Variants in SIX5 observed in about 807,000 individuals in gnomAD.
SIX5 encodes the protein homeobox protein SIX5.
SIX5 carries 21 observed loss-of-function variants against 37.1 expected under a neutral mutation model. That is an observed-to-expected ratio of 0.57 (90% CI 0.40 to 0.81). The LOEUF is 0.81. Ranked by LOEUF, SIX5 falls within the 40% of genes least tolerant of loss-of-function variation. The probability of loss-of-function intolerance (pLI) is 0.00; values close to 1 mark genes in which losing one functional copy is unlikely to be tolerated. For synonymous variants in SIX5, 626 were observed against 505.9 expected (o/e 1.24, Z -3.19); for missense variants, 1,137 against 1,025.1 (o/e 1.11, Z -1.49).
rs1278502020 is a variant in SIX5, at chr19:45,766,532, G to C, written c.1427C>G (p.Pro476Arg). 6.7e-7 allele frequency: 1 copy of C among 1,494,910 alleles called. No individual in the cohort carries two copies. The highest frequency in any genetic ancestry group is 1.4e-5 in the African/African-American group (1 of 71,828). 92.6% of individuals were successfully genotyped at this position (1,494,910 alleles called of 1,614,324 possible). ...LSPTSPLLNL[P>R]QVVPTSQVVT... Reference sequence around the variant, plus strand: ...CACCTGTGAGGTGGGTACTACCTGGGGCAGGTTCAATAGTGGGGAGGTGGG... The same window carrying C: ...CACCTGTGAGGTGGGTACTACCTGGCGCAGGTTCAATAGTGGGGAGGTGGG... Residue 476 changes from proline (P) to arginine (R), a missense_variant, in exon 2 of 3, where the codon CCC becomes CGC. By Grantham distance (103) the Pro-to-Arg change is moderately radical. Transcript: ENST00000317578.
In SIX5 at chr19:45,766,593, G is replaced by C; in HGVS notation, c.1366C>G (p.Leu456Val). ...GTGGGATACCCCGGGGGTGGGGAGAGCGGTACCACTTGTGGGGCAGCCACA... is the reference window on the plus strand; with the variant it reads ...GTGGGATACCCCGGGGGTGGGGAGACCGGTACCACTTGTGGGGCAGCCACA... ...PAVAAPQVVP[L>V]SPPPGYPTGL... Residue 456 changes from leucine (L) to valine (V), a missense_variant, in exon 2 of 3, where the codon CTC becomes GTC. Leu to Val is a conservative substitution (Grantham distance 32). Transcript: ENST00000317578. The C allele has an allele frequency of 2.0e-6, 3 of 1,470,120 alleles. No homozygotes were observed. Among genetic ancestry groups the C allele is most frequent in the Non-Finnish European group, 2.7e-6 (3 of 1,106,576 alleles). The allele number at this position is 1,470,120 out of a possible 1,614,324, so 91.1% of individuals were successfully genotyped here.
At chr19:45,767,256 T>A in intron 1 of SIX5, 101 bp from the exon 2 acceptor site, 1 of 1,275,872 alleles carries the variant, frequency 7.8e-7, no homozygotes, top group Admixed American at 2.0e-5. Flanking sequence ...CAAGTTTCGG[T>A]GGATCATTCC....
Position 45,766,048 on chromosome 19 carries a change from T to C in SIX5, c.1673A>G (p.Gln558Arg). The change falls in exon 3 of 3, where the codon CAG (glutamine) becomes CGG (arginine). Residue 558 changes from glutamine to arginine, a missense_variant. Physicochemically the swap from Gln to Arg is conservative, Grantham distance 43. Coordinates refer to ENST00000317578, the MANE Select transcript of SIX5 (RefSeq NM_175875.5). ...GGTGGCGGTGAGGATGATCTTGCCC[T>C]GCTGCAGGGCCACACCCGTCACGAT... ...SPIVTGVALQ[Q>R]GKIILTATFP... 1 of 1,611,800 alleles carries C rather than the reference T, an allele frequency of 6.2e-7. No individual in the cohort carries two copies. Among genetic ancestry groups the C allele is most frequent in the Non-Finnish European group, 8.5e-7 (1 of 1,179,214 alleles).
chr19:45,768,648 G>A lies in SIX5; in HGVS notation c.197C>T (p.Ser66Phe), dbSNP rs954548401. Reference protein sequence around the residue: ...AAAAGAEGPGSPGVPGSPPEA... With the variant: ...AAAAGAEGPGFPGVPGSPPEA... ...GGGGGGCGACCCGGGGACGCCCGGG[G>A]ATCCCGGGCCCTCAGCTCCCGCAGC... Residue 66 changes from serine (S) to phenylalanine (F), a missense_variant, in exon 1 of 3, where the codon TCC (serine) becomes TTC (phenylalanine). Physicochemically the swap from Ser to Phe is radical, Grantham distance 155. Around this residue, in one of 3 missense-constraint regions of SIX5, gnomAD observed 331 missense variants for 360.9 expected, o/e 0.92. Coordinates refer to ENST00000317578, the MANE Select transcript of SIX5 (RefSeq NM_175875.5). The A allele has an allele frequency of 1.2e-5, 15 of 1,274,426 alleles. No homozygotes were observed. Among genetic ancestry groups the A allele is most frequent in the African/African-American group, 4.7e-5 (3 of 64,156 alleles). 78.9% of individuals were successfully genotyped at this position (1,274,426 alleles called of 1,614,324 possible).
At chr19:45,767,828 G>A (rs1243278517) in intron 1 of SIX5, 1 of 586,886 alleles carries the variant, frequency 1.7e-6, no homozygotes, top group South Asian at 2.1e-5. Context: ...GGAGCCGCTG[G>A]AAGAGGAGAC....
In SIX5 at chr19:45,765,307, A is replaced by AG. The variant is rs1002188276; in HGVS notation, c.*193dup. On this transcript the variant is annotated 3_prime_UTR_variant, in exon 3 of 3. Transcript: ENST00000317578. ...TGTAACAGAGAGGCCTCCCATCCAA[A>AG]GGGGGATGGAGACCTGGACAGGAGG... The AG allele has an allele frequency of 1.3e-6, 1 of 755,070 alleles. No homozygotes were observed. Among genetic ancestry groups the AG allele is most frequent in the African/African-American group, 1.7e-5 (1 of 58,472 alleles). 46.8% of individuals were successfully genotyped at this position (755,070 alleles called of 1,614,324 possible).
Position 45,768,577 on chromosome 19 carries a change from G to T in SIX5, c.268C>A (p.Gln90Lys). The T allele has an allele frequency of 7.3e-7, 1 of 1,366,854 alleles. No individual in the cohort carries two copies. The highest frequency in any genetic ancestry group is 9.4e-7 in the Non-Finnish European group (1 of 1,069,044). 84.7% of individuals were successfully genotyped at this position (1,366,854 alleles called of 1,614,324 possible). A position where few individuals can be genotyped will look rare whatever the true frequency, so the allele number is the denominator to read the frequency against. ...AGCGCCTCGCAGACGCACGCCACCT[G>T]CTCGGGCGAGAAGCGGAGGCCCGTG... ...PPTGLRFSPE[Q>K]VACVCEALLQ... Residue 90 changes from glutamine (Q) to lysine (K), a missense_variant, in exon 1 of 3, where the codon CAG (glutamine) becomes AAG (lysine). By Grantham distance (53) the Gln-to-Lys change is moderately conservative. Transcript: ENST00000317578.
In SIX5 at chr19:45,765,517, T is replaced by C; in HGVS notation, c.2204A>G (p.Glu735Gly). ...LTQLQSVPVEEPLEL is the reference protein window; with the variant it reads ...LTQLQSVPVEGPLEL ...CACACTGGGTCACAGTTCCAAGGGCTCCTCCACAGGCACCGACTGGAGCTG... is the reference window on the plus strand; with the variant it reads ...CACACTGGGTCACAGTTCCAAGGGCCCCTCCACAGGCACCGACTGGAGCTG... Residue 735 changes from glutamate (E) to glycine (G), a missense_variant, in exon 3 of 3, where the codon GAG (glutamate) becomes GGG (glycine). By Grantham distance (98) the Glu-to-Gly change is moderately conservative. Around this residue, in one of 3 missense-constraint regions of SIX5, gnomAD observed 787 missense variants for 621.4 expected, o/e 1.27. Transcript: ENST00000317578. 6.2e-7 allele frequency: 1 copy of C among 1,613,384 alleles called. No homozygotes were observed. The highest frequency in any genetic ancestry group is 8.5e-7 in the Non-Finnish European group (1 of 1,180,018).
At position 45,766,376 on chromosome 19, in the gene SIX5, AG is replaced by A; in HGVS notation, c.1582del (p.Leu528CysfsTer24). On this transcript the variant is annotated frameshift_variant, in exon 2 of 3. Transcript: ENST00000317578. LOFTEE classifies it high-confidence loss of function. ...TGGGGCAGTGGCCGAAGGCAGCTGC[AG>A]GGCAGTCACGCCCACCCCGGAGTTG... is the stretch of plus-strand genomic sequence containing the variant. The part of the protein sequence containing the change: ...LINSGVGVTA[L>X]QLPSATAPGN... 1 of 1,590,820 alleles carries A rather than the reference AG, an allele frequency of 6.3e-7. No individual in the cohort carries two copies. Among genetic ancestry groups the A allele is most frequent in the Non-Finnish European group, 8.5e-7 (1 of 1,170,000 alleles).
At chr19:45,767,619 G>A (rs996399884) in intron 1 of SIX5, among the ~76,000 whole-genome samples, 3 of 152,212 alleles carry the variant, frequency 2.0e-5, no homozygotes, top group Admixed American at 6.5e-5. Context: ...AAAGGCAGAA[G>A]ACGGACCACG....
rs765253633 is a variant in SIX5, at chr19:45,768,388, G to A, written c.457C>T (p.Pro153Ser). 1 of 1,577,826 alleles carries A rather than the reference G, an allele frequency of 6.3e-7. No individual in the cohort carries two copies. The highest frequency in any genetic ancestry group is 1.8e-5 in the Admixed American group (1 of 56,442). Residue 153 changes from proline (P) to serine (S), a missense_variant, in exon 1 of 3, where the codon CCC becomes TCC. Physicochemically the swap from Pro to Ser is moderately conservative, Grantham distance 74 (BLOSUM62 -1). Coordinates refer to ENST00000317578, the MANE Select transcript of SIX5 (RefSeq NM_175875.5). ...LYRLLESRPF[P>S]AAHHAFLQDL... is the part of the protein sequence containing the mutation. ...TGCAGGAAGGCGTGGTGGGCGGCGG[G>A]GAAGGGGCGGCTCTCGAGTAGCCGG...
In SIX5 at chr19:45,768,598, C is replaced by G; in HGVS notation, c.247G>C (p.Gly83Arg). The change falls in exon 1 of 3, where the codon GGC becomes CGC. Residue 83 changes from glycine (G) to arginine (R), a missense_variant. Transcript: ENST00000317578. Reference sequence around the variant, plus strand: ...ACCTGCTCGGGCGAGAAGCGGAGGCCCGTGGGCGGTTCGGAAGCGGCCTCG... The same window carrying G: ...ACCTGCTCGGGCGAGAAGCGGAGGCGCGTGGGCGGTTCGGAAGCGGCCTCG... ...PPEAASEPPT[G>R]LRFSPEQVAC... The G allele has an allele frequency of 7.5e-7, 1 of 1,325,786 alleles. No individual in the cohort carries two copies. The allele number at this position is 1,325,786 out of a possible 1,614,324, so 82.1% of individuals were successfully genotyped here.
In SIX5 at chr19:45,768,024, C is replaced by T. The variant is rs1767864665; in HGVS notation, c.803+18G>A. ...TGTCCCCGGGAGAGCTGGACTTGCG[C>T]CGCCCGAGGCCCCTCACCTCTTGCA... On this transcript the variant is annotated intron_variant, in intron 1 of 2. Coordinates refer to ENST00000317578, the MANE Select transcript of SIX5 (RefSeq NM_175875.5). 2 of 1,591,160 alleles carry T rather than the reference C, an allele frequency of 1.3e-6. No homozygotes were observed. Among genetic ancestry groups the T allele is most frequent in the African/African-American group, 1.3e-5 (1 of 74,862 alleles).
rs376176843 is a variant in SIX5 at position 45,765,742 on chromosome 19, G to A, written c.1979C>T (p.Ala660Val). The change falls in exon 3 of 3, where the codon GCG (alanine) becomes GTG (valine). Residue 660 changes from alanine to valine, a missense_variant. Ala to Val is a moderately conservative substitution (Grantham distance 64). This residue lies in a region of SIX5 where 787 missense variants were observed against 621.4 expected (regional missense o/e 1.27). Coordinates refer to ENST00000317578, the MANE Select transcript of SIX5 (RefSeq NM_175875.5). ...PPPEGLMLSP[A>V]AVPVWSAGLE... The stretch of plus-strand genomic sequence containing the variant: ...CCCTGCTGACCAGACAGGCACGGCC[G>A]CGGGTGACAACATCAGCCCCTCTGG... The A allele has an allele frequency of 8.7e-5, 140 of 1,611,674 alleles. 1 individual carries two copies. In the Middle Eastern group the frequency reaches 1.2e-3, roughly 13 times the overall value.
At position 45,765,659 on chromosome 19, in the gene SIX5, G is replaced by C. The variant is rs757249091; in HGVS notation, c.2062C>G (p.Gln688Glu). ...LLEAEKGLGTQAPHTVLRLPD... is the reference protein window; with the variant it reads ...LLEAEKGLGTEAPHTVLRLPD... ...AGCCTCAGCACGGTGTGGGGGGCCT[G>C]TGTCCCCAGCCCCTTTTCCGCTTCC... The change falls in exon 3 of 3, where the codon CAG becomes GAG. Residue 688 changes from glutamine (Q) to glutamate (E), a missense_variant. Around this residue, in one of 3 missense-constraint regions of SIX5, gnomAD observed 787 missense variants for 621.4 expected, o/e 1.27. Coordinates refer to ENST00000317578, the MANE Select transcript of SIX5 (RefSeq NM_175875.5). 4 of 1,612,588 alleles carry C rather than the reference G, an allele frequency of 2.5e-6. No individual in the cohort carries two copies. Among genetic ancestry groups the C allele is most frequent in the Non-Finnish European group, 3.4e-6 (4 of 1,179,564 alleles).
chr19:45,766,175 T>A, intron 2 of SIX5, 64 bp from the exon 3 acceptor site: 2 of 1,568,282 alleles, frequency 1.3e-6, no homozygotes, highest in Non-Finnish European at 1.7e-6. Context: ...CAGAGAGAAG[T>A]GGAGACTGTG....
In SIX5 at chr19:45,766,858, G is replaced by A. The variant is rs751460858; in HGVS notation, c.1101C>T (p.Ala367=). ...GPLLLTGGGG[A]PPPQPSPQGA... The stretch of plus-strand genomic sequence containing the variant: ...CCTGAGGGCTGGGCTGCGGTGGAGG[G>A]GCACCCCCGCCCCCAGTGAGCAGCA... The change falls in exon 2 of 3, where the codon GCC becomes GCT. Residue 367 remains alanine, a synonymous_variant. Transcript: ENST00000317578. 1.8e-5 allele frequency: 27 copies of A among 1,542,508 alleles called. No homozygotes were observed. The highest frequency in any genetic ancestry group is 2.0e-4 in the Middle Eastern group (1 of 5,074).
Position 45,766,523 on chromosome 19 carries a change from A to T in SIX5, c.1436T>A (p.Val479Glu), listed in dbSNP as rs1969077750. The T allele has an allele frequency of 6.7e-7, 1 of 1,501,074 alleles. No homozygotes were observed. The highest frequency in any genetic ancestry group is 2.1e-5 in the Admixed American group (1 of 46,722). 93.0% of individuals were successfully genotyped at this position (1,501,074 alleles called of 1,614,324 possible). A position where few individuals can be genotyped will look rare whatever the true frequency, so the allele number is the denominator to read the frequency against. ...CAGGGTCACCACCTGTGAGGTGGGT[A>T]CTACCTGGGGCAGGTTCAATAGTGG... Reference protein sequence around the residue: ...TSPLLNLPQVVPTSQVVTLPQ... With the variant: ...TSPLLNLPQVEPTSQVVTLPQ... Residue 479 changes from valine to glutamate, a missense_variant, in exon 2 of 3, where the codon GTA (valine) becomes GAA (glutamate). Val to Glu is a moderately radical substitution (Grantham distance 121, BLOSUM62 -2). Coordinates refer to ENST00000317578, the MANE Select transcript of SIX5 (RefSeq NM_175875.5).
chr19:45,768,587 G>A lies in SIX5; in HGVS notation c.258C>T (p.Phe86=), dbSNP rs950267055. Reference sequence around the variant, plus strand: ...AGACGCACGCCACCTGCTCGGGCGAGAAGCGGAGGCCCGTGGGCGGTTCGG... The same window carrying A: ...AGACGCACGCCACCTGCTCGGGCGAAAAGCGGAGGCCCGTGGGCGGTTCGG... The part of the protein sequence containing the change: ...AASEPPTGLR[F]SPEQVACVCE... The change falls in exon 1 of 3, where the codon TTC becomes TTT. Residue 86 remains phenylalanine, a synonymous_variant. Coordinates refer to ENST00000317578, the MANE Select transcript of SIX5 (RefSeq NM_175875.5). 1.4e-5 allele frequency: 19 copies of A among 1,359,588 alleles called. No homozygotes were observed. The highest frequency in any genetic ancestry group is 1.8e-5 in the Non-Finnish European group (19 of 1,065,108). The allele number at this position is 1,359,588 out of a possible 1,614,324, so 84.2% of individuals were successfully genotyped here. A position where few individuals can be genotyped will look rare whatever the true frequency, so the allele number is the denominator to read the frequency against.
Sources: gnomAD v4.1 joint callset for allele counts (sites outside exome capture counted in the v4.1 genomes callset) on GRCh38, gnomAD v4.1.1 for gene constraint, gnomAD v4.1.1 regional missense constraint, MANE v1.5 for transcripts, NCBI Gene and HGNC (gene_info 2026-07-23, HGNC 2026-07-21) for gene names.